GRIK3: variants seen among roughly 807,000 people sequenced by gnomAD.
The protein encoded by GRIK3 is glutamate ionotropic receptor kainate type subunit 3.
A neutral mutation model predicts 102.5 loss-of-function variants in GRIK3; 29 were observed. The ratio of observed to expected loss-of-function variants is 0.28; its 90% CI spans 0.21 to 0.39. GRIK3 has a LOEUF of 0.39. GRIK3 is among the 10% of genes least tolerant of loss of function. GRIK3 has a pLI of 1.00. For missense variants in GRIK3, 908 were observed against 1,252.4 expected (o/e 0.73, Z 4.15); for synonymous variants, 511 against 504.9 (o/e 1.01, Z -0.16).
chr1:36,861,081 A>C (rs1159939094), intron 5 of GRIK3, among the ~76,000 whole-genome samples: 1 of 152,208 alleles, frequency 6.6e-6, no homozygotes, highest in Non-Finnish European at 1.5e-5. Context: ...TATCCAACCT[A>C]GAAGTCTTAG....
chr1:36,831,597 G>T (rs1376211882), intron 10 of GRIK3, among the ~76,000 whole-genome samples: 6 of 152,118 alleles, frequency 3.9e-5, no homozygotes, highest in Admixed American at 3.9e-4. Flanking sequence ...TCTTACTAGG[G>T]TTGCTTACAG....
chr1:36,809,677 T>C (rs781629209), intron 13 of GRIK3, among the ~76,000 whole-genome samples: 1 of 152,204 alleles, frequency 6.6e-6, no homozygotes, highest in South Asian at 2.1e-4. Flanking sequence ...CCAAACCATA[T>C]GCTCTTTCCA....
intron 1 of GRIK3, among the ~76,000 whole-genome samples, chr1:37,020,730 C>G (rs1642701534): frequency 6.6e-6 from 1 of 151,848 alleles, no homozygotes; most frequent in Admixed American, 6.6e-5. Flanking sequence ...TTCTTACTAG[C>G]CTACCAGAGT....
At chr1:37,024,942 A>G (rs1642752070) in intron 1 of GRIK3, among the ~76,000 whole-genome samples, 1 of 152,036 alleles carries the variant, frequency 6.6e-6, no homozygotes, top group South Asian at 2.1e-4. Flanking sequence ...GAAATCTGCT[A>G]TTATTCTCAT....
chr1:36,931,120 T>C (rs778348786), intron 1 of GRIK3, among the ~76,000 whole-genome samples: 1 of 152,196 alleles, frequency 6.6e-6, no homozygotes, highest in Non-Finnish European at 1.5e-5. Context: ...AACTAGAAAG[T>C]ATTTATCACA....
Position 36,942,318 on chromosome 1 carries a change from A to G in GRIK3, c.116-51222T>C, listed in dbSNP as rs375556307. Among the ~76,000 whole-genome samples, 22 of 152,340 alleles carry G rather than the reference A, an allele frequency of 1.4e-4. 2 individuals carry two copies. The highest frequency in any genetic ancestry group is 5.1e-4 in the African/African-American group (21 of 41,584). ...GCCAGGAGCCCCTGGCACTTAGGAA[A>G]GGGCCGAGCTGATAGCAGCGTCTGC... On this transcript the variant is annotated intron_variant, in intron 1 of 15. Coordinates refer to ENST00000373091, the MANE Select transcript of GRIK3 (RefSeq NM_000831.4).
At chr1:36,998,306 C>T (rs971813663) in intron 1 of GRIK3, among the ~76,000 whole-genome samples, 1 of 152,188 alleles carries the variant, frequency 6.6e-6, no homozygotes, top group African/African-American at 2.4e-5. Flanking sequence ...TAGGAATCTT[C>T]CCTGACCGTG....
chr1:36,923,921 G>GCA (rs1557427417), intron 1 of GRIK3, among the ~76,000 whole-genome samples: 1 of 151,926 alleles, frequency 6.6e-6, no homozygotes. Context: ...ACCCACACAT[G>GCA]CACACACCTG....
intron 1 of GRIK3, among the ~76,000 whole-genome samples, chr1:36,927,784 G>A (rs1267359020): frequency 2.0e-5 from 3 of 152,174 alleles, no homozygotes; most frequent in South Asian, 2.1e-4. Flanking sequence ...AACAGGTTCC[G>A]AGAGGCTGTT....
At chr1:36,861,945 G>T (rs996570971) in intron 5 of GRIK3, among the ~76,000 whole-genome samples, 2 of 152,110 alleles carry the variant, frequency 1.3e-5, no homozygotes, top group African/African-American at 4.8e-5. Context: ...AGGGAGTGGG[G>T]GGTGGCAGTG....
intron 2 of GRIK3, among the ~76,000 whole-genome samples, 161 bp from the exon 3 acceptor site, chr1:36,881,052 A>G (rs1354770434): frequency 6.6e-6 from 1 of 152,128 alleles, no homozygotes; most frequent in Non-Finnish European, 1.5e-5. Flanking sequence ...CTCATCTGAA[A>G]ACAGGGGTTC....
At chr1:36,947,758 A>G (rs183314238) in intron 1 of GRIK3, among the ~76,000 whole-genome samples, 1 of 152,138 alleles carries the variant, frequency 6.6e-6, no homozygotes, top group Non-Finnish European at 1.5e-5. Flanking sequence ...CCCCCCCATG[A>G]AGCAGGATAG....
intron 1 of GRIK3, among the ~76,000 whole-genome samples, chr1:36,923,215 C>A (rs1641492836): frequency 6.6e-6 from 1 of 152,110 alleles, no homozygotes; most frequent in Non-Finnish European, 1.5e-5. Flanking sequence ...GCGCTTTGCC[C>A]ACAGCAAATG....
At chr1:36,804,813 A>C in intron 15 of GRIK3, 174 bp downstream of exon 15, 2 of 804,320 alleles carry the variant, frequency 2.5e-6, no homozygotes, top group Non-Finnish European at 3.9e-6. Context: ...GCGATGGAAA[A>C]AAGTGCCAGG....
intron 1 of GRIK3, among the ~76,000 whole-genome samples, chr1:36,929,666 G>A (rs1641566631): frequency 6.6e-6 from 1 of 152,142 alleles, no homozygotes; most frequent in African/African-American, 2.4e-5. Context: ...TAAAGTCTGG[G>A]AAGCACCATA....
intron 6 of GRIK3, 114 bp from the exon 7 acceptor site, chr1:36,859,365 A>G: frequency 8.3e-7 from 1 of 1,199,882 alleles, no homozygotes; most frequent in Non-Finnish European, 1.2e-6. Flanking sequence ...CTGGTGAGCG[A>G]ACAGGCCCAG....
In GRIK3 at chr1:36,872,806, C is replaced by G. The variant is rs1052914204; in HGVS notation, c.551-437G>C. ...TTCACCCCTCTTCTTCTGTACCCAC[C>G]CCCAACATTGTGAGACATGGGACAT... is the stretch of plus-strand genomic sequence containing the variant. On this transcript the variant is annotated intron_variant, in intron 3 of 15. Coordinates refer to ENST00000373091, the MANE Select transcript of GRIK3 (RefSeq NM_000831.4). This position sits in a 1 kb window ranked among gnomAD's most constrained non-coding sequence, Gnocchi z 5.9. 6.6e-6 allele frequency among the ~76,000 whole-genome samples: 1 copy of G among 152,192 alleles called. No individual in the cohort carries two copies. Among genetic ancestry groups the G allele is most frequent in the Non-Finnish European group, 1.5e-5 (1 of 68,046 alleles).
At chr1:36,966,385 T>G (rs929768420) in intron 1 of GRIK3, among the ~76,000 whole-genome samples, 1 of 152,172 alleles carries the variant, frequency 6.6e-6, no homozygotes, top group African/African-American at 2.4e-5. Flanking sequence ...TGGACGTTCA[T>G]CAGAGCAGTC....
intron 5 of GRIK3, among the ~76,000 whole-genome samples, chr1:36,860,245 C>T (rs1640706951): frequency 6.6e-6 from 1 of 152,196 alleles, no homozygotes; most frequent in South Asian, 2.1e-4. Flanking sequence ...CCATGCTAAC[C>T]AGGGGATCTC....
Sources: allele counts gnomAD v4.1 joint callset (sites outside exome capture counted in the v4.1 genomes callset), GRCh38; gene constraint gnomAD v4.1.1; non-coding constraint Gnocchi (gnomAD v3.1); transcripts MANE v1.5; gene names NCBI Gene and HGNC (gene_info 2026-07-23, HGNC 2026-07-21).